The following NTRK3 variants were observed in gnomAD, a reference collection of about 807,000 sequenced individuals.
NTRK3 encodes NT-3 growth factor receptor.
In NTRK3, 24 loss-of-function variants were observed where a neutral mutation model predicts 91.7. The ratio of observed to expected loss-of-function variants is 0.26; its 90% confidence interval spans 0.19 to 0.37. The LOEUF (loss-of-function observed/expected upper bound fraction) is 0.37, where lower values mean the gene tolerates loss of function less well. Ranked by LOEUF, NTRK3 falls within the 10% of genes least tolerant of loss-of-function variation. NTRK3 has a pLI of 1.00. For synonymous variants in NTRK3, 483 were observed against 404.0 expected (o/e 1.20, Z -2.34); for missense variants, 880 against 1,068.9 (o/e 0.82, Z 2.46).
chr15:87,992,876 T>A (rs2075397104), intron 14 of NTRK3, among the ~76,000 whole-genome samples: 1 of 152,210 alleles, frequency 6.6e-6, no homozygotes, highest in South Asian at 2.1e-4. Flanking sequence ...CTATTTCCCA[T>A]GTGATAGATA....
Position 88,132,245 on chromosome 15 carries a change from T to A in NTRK3, c.1204+2856A>T, listed in dbSNP as rs1327069022. Among the ~76,000 whole-genome samples, 12 of 152,368 alleles carry A rather than the reference T, an allele frequency of 7.9e-5. 2 individuals carry two copies. In the South Asian group the frequency reaches 2.1e-3, roughly 26 times the overall value. On this transcript the variant is annotated intron_variant, in intron 10 of 18. Transcript: ENST00000394480. ...TGGTTCTAGAACTCTTGAATTCATC[T>A]CAGCTCTACATCCTAAGAATCTTAA...
At chr15:88,217,336 G>T (rs4887384) in intron 3 of NTRK3, among the ~76,000 whole-genome samples, 5 of 152,150 alleles carry the variant, frequency 3.3e-5, no homozygotes, top group African/African-American at 4.8e-5. Context: ...AATAATCAAA[G>T]GGTTAAAGTA....
At chr15:87,900,284 C>T (rs1272538177) in intron 17 of NTRK3, among the ~76,000 whole-genome samples, 1 of 152,094 alleles carries the variant, frequency 6.6e-6, no homozygotes, top group Non-Finnish European at 1.5e-5. Context: ...CTGGGAAATG[C>T]CAGGAAAGGG....
intron 12 of NTRK3, among the ~76,000 whole-genome samples, 186 bp from the exon 13 acceptor site, chr15:88,126,559 T>C (rs998997465): frequency 2.0e-5 from 3 of 152,208 alleles, no homozygotes; most frequent in African/African-American, 7.2e-5. Flanking sequence ...TTTAAAAGTA[T>C]ATAAATTACC....
rs147948803 is a variant in NTRK3 at position 87,966,053 on chromosome 15, G to C, written c.1586-25300C>G. ...AGATCACACCACTGCATTCCAGCCT[G>C]GATGATAGAGCAAAACTGTCTCAAA... On this transcript the variant is annotated intron_variant, in intron 14 of 18. Transcript: ENST00000394480. Among the ~76,000 whole-genome samples, 163 of 151,570 alleles carry C rather than the reference G, an allele frequency of 1.1e-3. 1 individual carries two copies. The highest frequency in any genetic ancestry group is 3.8e-3 in the African/African-American group (158 of 41,078).
At position 88,213,704 on chromosome 15, in the gene NTRK3, T is replaced by C. The variant is rs192895190; in HGVS notation, c.249-29405A>G. Among the ~76,000 whole-genome samples the C allele has an allele frequency of 1.7e-4, 26 of 152,222 alleles. No homozygotes were observed. The East Asian group carries it at 4.3e-3, about 25-fold the overall frequency. Reference sequence around the variant, plus strand: ...CACAGTCCTGCGAGGTAAATGCTAATACTATCACCATTTTACAAAGAAGAA... The same window carrying C: ...CACAGTCCTGCGAGGTAAATGCTAACACTATCACCATTTTACAAAGAAGAA... On this transcript the variant is annotated intron_variant, in intron 3 of 18. Transcript: ENST00000394480.
chr15:88,256,220 A>C, intron 2 of NTRK3, 52 bp from the exon 3 acceptor site: 2 of 350,130 alleles, frequency 5.7e-6, no homozygotes, highest in Non-Finnish European at 5.3e-6. Flanking sequence ...GGGAGTGGGG[A>C]GAGCAGGGGG....
At chr15:87,981,503 C>T in intron 14 of NTRK3, 1 of 1,043,660 alleles carries the variant, frequency 9.6e-7, no homozygotes, top group East Asian at 2.4e-5. Flanking sequence ...CTCTGCTGTG[C>T]CTGTAGTGGC....
At chr15:88,063,527 G>A (rs2046392936) in intron 13 of NTRK3, among the ~76,000 whole-genome samples, 1 of 152,206 alleles carries the variant, frequency 6.6e-6, no homozygotes, top group Non-Finnish European at 1.5e-5. Context: ...GCAGAGCCCT[G>A]GCTGGTGGCT....
chr15:87,898,506 T>A (rs1309897188), intron 17 of NTRK3, among the ~76,000 whole-genome samples: 1 of 152,120 alleles, frequency 6.6e-6, no homozygotes, highest in Non-Finnish European at 1.5e-5. Context: ...GAATGTGCAG[T>A]TTTCTACGGT....
At chr15:88,231,383 G>T (rs1336024051) in intron 3 of NTRK3, among the ~76,000 whole-genome samples, 2 of 150,874 alleles carry the variant, frequency 1.3e-5, no homozygotes, top group African/African-American at 2.4e-5. Flanking sequence ...TCCACTATTT[G>T]CTTCTCCTCT....
In NTRK3 at chr15:88,256,639, C is replaced by A. The variant is rs2054082331; in HGVS notation, c.-219+5G>T. On this transcript the variant is annotated splice_donor_5th_base_variant and intron_variant, in intron 1 of 18. Coordinates refer to ENST00000394480, the Ensembl canonical transcript of NTRK3. ...ACACACACTCACTCTCACACATACA[C>A]ACACCCGGAGCCCGAGGAAAGGAAG... 2 of 425,278 alleles carry A rather than the reference C, an allele frequency of 4.7e-6. No individual in the cohort carries two copies. The highest frequency in any genetic ancestry group is 4.3e-5 in the Admixed American group (1 of 23,294). The allele number at this position is 425,278 out of a possible 1,614,324, so 26.3% of individuals were successfully genotyped here.
At chr15:88,193,117 C>T (rs543400812) in intron 3 of NTRK3, among the ~76,000 whole-genome samples, 5 of 152,240 alleles carry the variant, frequency 3.3e-5, no homozygotes, top group African/African-American at 4.8e-5. Flanking sequence ...CCATCCAGGG[C>T]GGTACTATGT....
chr15:88,095,460 T>C (rs1440876355), intron 13 of NTRK3, among the ~76,000 whole-genome samples: 1 of 152,172 alleles, frequency 6.6e-6, no homozygotes, highest in Non-Finnish European at 1.5e-5. Context: ...GTGTCAATGT[T>C]GTCAATGGCA....
chr15:88,016,096 A>G (rs747471261), intron 14 of NTRK3, among the ~76,000 whole-genome samples: 26 of 152,258 alleles, frequency 1.7e-4, no homozygotes, highest in African/African-American at 2.4e-5. Flanking sequence ...GCAAAATGTC[A>G]TGCATTCATC....
rs183051409 is a variant in NTRK3 at position 88,223,985 on chromosome 15, C to G, written c.248+31921G>C. On this transcript the variant is annotated intron_variant, in intron 3 of 18. Transcript: ENST00000394480. ...AGGGAGTTGCAGAGTTAACAGGACA[C>G]AGAGTTGGCCTCCAGGCAACACTCA... Among the ~76,000 whole-genome samples, 40 of 152,302 alleles carry G rather than the reference C, an allele frequency of 2.6e-4. No homozygotes were observed. The East Asian group carries it at 7.0e-3, about 26-fold the overall frequency.
Position 87,891,606 on chromosome 15 carries a change from T to C in NTRK3, c.2134-11178A>G, listed in dbSNP as rs116527063. Among the ~76,000 whole-genome samples the C allele has an allele frequency of 2.8e-3, 419 of 152,332 alleles. 3 individuals are homozygous for C. The highest frequency in any genetic ancestry group is 9.6e-3 in the African/African-American group (401 of 41,570). On this transcript the variant is annotated intron_variant, in intron 17 of 18. Coordinates refer to ENST00000394480, the Ensembl canonical transcript of NTRK3. ...ATTTACATTCACTTCATCCCTATCTTAGATAAAATGTAACATACCATATCT... is the reference window on the plus strand; with the variant it reads ...ATTTACATTCACTTCATCCCTATCTCAGATAAAATGTAACATACCATATCT...
intron 13 of NTRK3, among the ~76,000 whole-genome samples, chr15:88,097,817 A>T (rs958769560): frequency 6.6e-6 from 1 of 152,258 alleles, no homozygotes; most frequent in African/African-American, 2.4e-5. Context: ...TAAATATGTA[A>T]CAAGGACTAG....
intron 3 of NTRK3, among the ~76,000 whole-genome samples, chr15:88,211,240 A>C (rs1382907913): frequency 6.6e-6 from 1 of 152,228 alleles, no homozygotes; most frequent in Admixed American, 6.5e-5. Flanking sequence ...TGGACATTTG[A>C]TATAAATGGA....
Sources: gnomAD v4.1 joint callset for allele counts (sites outside exome capture counted in the v4.1 genomes callset) on GRCh38, gnomAD v4.1.1 for gene constraint, MANE v1.5 for transcripts, NCBI Gene and HGNC (gene_info 2026-07-23, HGNC 2026-07-21) for gene names.